Variants in BRSK2 observed in about 807,000 individuals in gnomAD.
BRSK2 encodes BR serine/threonine kinase 2, also known as serine/threonine-protein kinase BRSK2.
Under a neutral mutation model 83.3 loss-of-function variants are expected in BRSK2, and 19 were observed. The observed-to-expected ratio is 0.23, with a 90% CI of 0.16 to 0.33. BRSK2 has a LOEUF of 0.33. Ranked by LOEUF, BRSK2 falls within the 10% of genes least tolerant of loss-of-function variation. BRSK2 has a pLI of 1.00. For synonymous variants in BRSK2, 519 were observed against 435.4 expected (o/e 1.19, Z -2.39); for missense variants, 798 against 1,042.3 (o/e 0.77, Z 3.23).
chr11:1,439,806 GGGGCTTCACACCCTCCCCTGCCCTGA>G (rs1239624231), intron 3 of BRSK2, among the ~76,000 whole-genome samples: 3 of 148,756 alleles, frequency 2.0e-5, no homozygotes, highest in East Asian at 2.0e-4. Flanking sequence ...CCCTGCCCTG[GGGGCTTCACACCCTCCCCTGCCCTGA>G]GGGCTTCACA....
intron 1 of BRSK2, among the ~76,000 whole-genome samples, chr11:1,400,294 C>T (rs560564316): frequency 7.2e-5 from 11 of 152,166 alleles, no homozygotes; most frequent in Non-Finnish European, 1.3e-4. Flanking sequence ...CAGCTTTCCC[C>T]GGAGGCCCGG....
At chr11:1,402,795 CG>C (rs1846576990) in intron 1 of BRSK2, among the ~76,000 whole-genome samples, 1 of 152,136 alleles carries the variant, frequency 6.6e-6, no homozygotes, top group Admixed American at 6.5e-5. Context: ...AGCTGACACA[CG>C]GGGAGGGAAC....
chr11:1,428,883 C>A (rs578184726), intron 1 of BRSK2, among the ~76,000 whole-genome samples: 1 of 148,234 alleles, frequency 6.7e-6, no homozygotes, highest in East Asian at 2.0e-4. Flanking sequence ...TGTGTGCACA[C>A]GGGTTACTGG....
intron 2 of BRSK2, among the ~76,000 whole-genome samples, chr11:1,437,738 G>A (rs993056742): frequency 1.9e-4 from 29 of 152,228 alleles, no homozygotes; most frequent in South Asian, 2.1e-4. Context: ...AGGAAGGGCG[G>A]AGCCCAGGCA....
intron 16 of BRSK2, among the ~76,000 whole-genome samples, chr11:1,455,332 C>T (rs1590689879): frequency 6.8e-6 from 1 of 147,728 alleles, no homozygotes; most frequent in South Asian, 2.1e-4. Flanking sequence ...CCACCGCCCC[C>T]AGCCTGCCTC....
At position 1,456,497 on chromosome 11, in the gene BRSK2, C is replaced by T. The variant is rs1263840389; in HGVS notation, c.1818C>T (p.Gly606=). 1.9e-6 allele frequency: 3 copies of T among 1,576,548 alleles called. No individual in the cohort carries two copies. The South Asian group carries it at 3.5e-5, about 18-fold the overall frequency. Residue 606 remains glycine (G), a synonymous_variant, in exon 17 of 20, where the codon GGC becomes GGT. Transcript: ENST00000528841. The part of the protein sequence containing the change: ...TEGGEAQKEN[G]IYSVTFTLLS... ...GTGGGGAGGCGCAGAAGGAGAACGG[C>T]ATCTACTCCGTCACCTTCACCCTGC...
chr11:1,455,384 C>T (rs370318446), intron 16 of BRSK2, among the ~76,000 whole-genome samples: 97 of 150,814 alleles, frequency 6.4e-4, no homozygotes, highest in African/African-American at 2.1e-3. Flanking sequence ...ACTGCCCGGG[C>T]GCCCTCCCTG....
intron 8 of BRSK2, 110 bp from the exon 9 acceptor site, chr11:1,444,861 C>T: frequency 9.9e-7 from 1 of 1,006,328 alleles, no homozygotes; most frequent in Non-Finnish European, 1.6e-6. Context: ...TGCCCTCACC[C>T]TCTCCTGCTC....
chr11:1,433,652 G>C (rs1009787455), intron 1 of BRSK2, among the ~76,000 whole-genome samples: 6 of 152,258 alleles, frequency 3.9e-5, no homozygotes, highest in Non-Finnish European at 8.8e-5. Context: ...CTCGTGCCTG[G>C]GGAGGGATGC....
intron 12 of BRSK2, 37 bp from the exon 13 acceptor site, chr11:1,449,739 C>G (rs763947419): frequency 1.3e-6 from 2 of 1,587,524 alleles, no homozygotes; most frequent in Non-Finnish European, 1.7e-6. Flanking sequence ...CCACTGCCCC[C>G]TGGCTGAGCA....
intron 8 of BRSK2, 131 bp downstream of exon 8, chr11:1,443,766 G>A: frequency 8.2e-7 from 1 of 1,219,020 alleles, no homozygotes. Flanking sequence ...GCCCAGGTGT[G>A]TGGACGTGTG....
chr11:1,395,648 C>A (rs561220784), intron 1 of BRSK2, among the ~76,000 whole-genome samples: 1 of 152,196 alleles, frequency 6.6e-6, no homozygotes, highest in Non-Finnish European at 1.5e-5. Context: ...TCCCTGTTGA[C>A]GTGGGTCTCC....
intron 1 of BRSK2, among the ~76,000 whole-genome samples, chr11:1,429,636 G>A (rs1488208802): frequency 2.4e-4 from 2 of 8,316 alleles, no homozygotes; most frequent in African/African-American, 9.7e-4. Context: ...AGCAGTGAGC[G>A]TCTTCTGCGG....
chr11:1,419,060 G>A lies in BRSK2; in HGVS notation c.92-16980G>A, dbSNP rs573492635. Among the ~76,000 whole-genome samples the A allele has an allele frequency of 8.5e-5, 13 of 152,346 alleles. No homozygotes were observed. The South Asian group carries it at 1.0e-3, about 12-fold the overall frequency. ...TCCCAGTTACAGGTGCGTGTCAGGC[G>A]TGAGTCTGGGCACCAGGGTGGGCCT... On this transcript the variant is annotated intron_variant, in intron 1 of 19. Coordinates refer to ENST00000528841, the MANE Select transcript of BRSK2 (RefSeq NM_001256627.2).
chr11:1,445,029 G>A (rs759231340), intron 9 of BRSK2, 27 bp downstream of exon 9: 18 of 1,606,914 alleles, frequency 1.1e-5, no homozygotes, highest in South Asian at 7.7e-5. Context: ...CCCACTAATC[G>A]CCTGCTTTGC....
At chr11:1,399,075 A>G (rs979655919) in intron 1 of BRSK2, among the ~76,000 whole-genome samples, 2 of 152,000 alleles carry the variant, frequency 1.3e-5, no homozygotes, top group Admixed American at 6.5e-5. Context: ...GCACACGGGC[A>G]CCTCCAGCCA....
chr11:1,395,195 G>A (rs1296458581), intron 1 of BRSK2, among the ~76,000 whole-genome samples: 1 of 152,184 alleles, frequency 6.6e-6, no homozygotes. Context: ...GCAGCAGCCT[G>A]GGGCTGGACT....
At chr11:1,418,187 G>T (rs1848294516) in intron 1 of BRSK2, among the ~76,000 whole-genome samples, 1 of 148,768 alleles carries the variant, frequency 6.7e-6, no homozygotes, top group South Asian at 2.2e-4. Flanking sequence ...CTTGTGAGTG[G>T]GTCACCTGTG....
At chr11:1,437,136 G>A (rs1447262820) in intron 2 of BRSK2, among the ~76,000 whole-genome samples, 7 of 152,066 alleles carry the variant, frequency 4.6e-5, no homozygotes, top group African/African-American at 1.7e-4. Context: ...AGTGCGGGGC[G>A]TAGCTGGGGA....
Sources: gnomAD v4.1 joint callset for allele counts (sites outside exome capture counted in the v4.1 genomes callset) on GRCh38, gnomAD v4.1.1 for gene constraint, MANE v1.5 for transcripts, NCBI Gene and HGNC (gene_info 2026-07-23, HGNC 2026-07-21) for gene names.